FBXO15: variants seen among roughly 807,000 people sequenced by gnomAD.
The protein encoded by FBXO15 is F-box protein 15.
In FBXO15, 30 loss-of-function variants were observed where a neutral mutation model predicts 49.5. The ratio of observed to expected loss-of-function variants is 0.61; its 90% confidence interval spans 0.45 to 0.82. The LOEUF is 0.82. FBXO15 is among the 40% of genes least tolerant of loss of function. The probability of loss-of-function intolerance (pLI) is 0.00; values close to 1 mark genes in which losing one functional copy is unlikely to be tolerated. For synonymous variants in FBXO15, 250 were observed against 232.7 expected (o/e 1.07, Z -0.68); for missense variants, 591 against 631.5 (o/e 0.94, Z 0.69).
In FBXO15 at chr18:74,100,825, C is replaced by A. The variant is rs184777875; in HGVS notation, c.1139-18774G>T. Among the ~76,000 whole-genome samples the A allele has an allele frequency of 2.6e-5, 4 of 152,130 alleles. No homozygotes were observed. In the East Asian group the frequency reaches 7.7e-4, roughly 29 times the overall value. On this transcript the variant is annotated intron_variant, in intron 8 of 9. Transcript: ENST00000419743. ...AAACCTAGGTGAGATGGATAAATTC[C>A]CGGAAAGATACAACCCTCCTAGCTT... is the stretch of plus-strand genomic sequence containing the variant.
chr18:74,146,638 C>T lies in FBXO15; in HGVS notation c.116+1032G>A, dbSNP rs3813124. Among the ~76,000 whole-genome samples the T allele has an allele frequency of 1.1e-4, 16 of 152,212 alleles. No individual in the cohort carries two copies. The East Asian group carries it at 2.9e-3, about 28-fold the overall frequency. ...TGTCACCATTCTATTTGTGACAAGG[C>T]TTGTGGTATGTCTAGCATTATAGGT... On this transcript the variant is annotated intron_variant, in intron 1 of 9. Transcript: ENST00000419743.
At chr18:74,107,542 TAC>T (rs1352015978) in intron 8 of FBXO15, among the ~76,000 whole-genome samples, 2 of 152,050 alleles carry the variant, frequency 1.3e-5, no homozygotes, top group Non-Finnish European at 2.9e-5. Context: ...GACAGGAGAA[TAC>T]AGAGACGCGT....
chr18:74,076,059 G>A (rs1912243851), intron 9 of FBXO15: 1 of 152,222 alleles, frequency 6.6e-6, no homozygotes, highest in Admixed American at 6.5e-5. Flanking sequence ...AGCTCTCCTG[G>A]TACTCCTCGT....
rs1350058387 is a variant in FBXO15, at chr18:74,130,591, C to T, written c.400G>A (p.Val134Ile). 1 of 1,614,126 alleles carries T rather than the reference C, an allele frequency of 6.2e-7. No homozygotes were observed. Among genetic ancestry groups the T allele is most frequent in the Admixed American group, 1.7e-5 (1 of 60,022 alleles). Residue 134 changes from valine to isoleucine, a missense_variant, in exon 4 of 10, where the codon GTA (valine) becomes ATA (isoleucine). By Grantham distance (29) the Val-to-Ile change is conservative. Transcript: ENST00000419743. The part of the protein sequence containing the change: ...PARSNWKFNS[V>I]EKIAMSMSFL... ...CTCATAGACATAGCTATCTTCTCTA[C>T]TGAATTAAATTTCCAATTTGATCTT...
At position 74,082,050 on chromosome 18, in the gene FBXO15, T is replaced by C; in HGVS notation, c.1140A>G (p.Gly380=). The C allele has an allele frequency of 6.2e-7, 1 of 1,610,526 alleles. No individual in the cohort carries two copies. ...GTFRNLFTKR[G]NIENGHVKLI... ...GCTTCACATGTCCATTTTCAATATT[T>C]CCTGAAAAGATATAAGATTGTTTCA... The change falls in exon 9 of 10, where the codon GGA becomes GGG. Residue 380 remains glycine (G), a splice_region_variant and synonymous_variant. Transcript: ENST00000419743.
chr18:74,118,404 A>ATATATACACATATATATATATGTG (rs1914325419), intron 8 of FBXO15, among the ~76,000 whole-genome samples: 1 of 135,046 alleles, frequency 7.4e-6, no homozygotes, highest in Non-Finnish European at 1.5e-5. Flanking sequence ...GTATATACAC[A>ATATATACACATATATATATATGTG]TATATACACA....
chr18:74,082,834 G>C (rs1402166260), intron 8 of FBXO15, among the ~76,000 whole-genome samples: 3 of 152,196 alleles, frequency 2.0e-5, no homozygotes, highest in Non-Finnish European at 2.9e-5. Flanking sequence ...TCCAGAGATG[G>C]AAGTCTGAAC....
chr18:74,114,395 T>C (rs755898610), intron 8 of FBXO15, among the ~76,000 whole-genome samples: 1 of 152,218 alleles, frequency 6.6e-6, no homozygotes, highest in Non-Finnish European at 1.5e-5. Flanking sequence ...GACTTTGTTC[T>C]GTATCCTTTC....
Position 74,124,559 on chromosome 18 carries a change from GTTC to G in FBXO15, c.922_924del (p.Glu308del). 6.2e-7 allele frequency: 1 copy of G among 1,613,982 alleles called. No individual in the cohort carries two copies. Among genetic ancestry groups the G allele is most frequent in the South Asian group, 1.1e-5 (1 of 91,074 alleles). ...TGAAGATTTGCCATAACAAAAGCCA[GTTC>G]TTCCTCCTTCTGAAAAGTTAATTGA... On this transcript the variant is annotated inframe_deletion, in exon 7 of 10. Coordinates refer to ENST00000419743, the MANE Select transcript of FBXO15 (RefSeq NM_001142958.2).
chr18:74,076,636 A>C (rs963168174), intron 9 of FBXO15: 1 of 152,232 alleles, frequency 6.6e-6, no homozygotes, highest in Admixed American at 6.5e-5. Flanking sequence ...TCCTTTAAGG[A>C]GGCAGCCATC....
intron 8 of FBXO15, among the ~76,000 whole-genome samples, chr18:74,121,625 A>T (rs757239367): frequency 6.6e-6 from 1 of 152,210 alleles, no homozygotes; most frequent in Non-Finnish European, 1.5e-5. Context: ...GGAAGACTCA[A>T]AGACAAAGAG....
intron 3 of FBXO15, among the ~76,000 whole-genome samples, chr18:74,132,251 T>G (rs910213866): frequency 6.6e-6 from 1 of 152,234 alleles, no homozygotes; most frequent in East Asian, 1.9e-4. Flanking sequence ...AAAACTCCCT[T>G]TGCATAAAAG....
chr18:74,128,840 A>G (rs1284756545), intron 5 of FBXO15, among the ~76,000 whole-genome samples: 1 of 152,230 alleles, frequency 6.6e-6, no homozygotes, highest in Non-Finnish European at 1.5e-5. Context: ...TAGCTGATCT[A>G]CGCATTTTAT....
intron 9 of FBXO15, 128 bp downstream of exon 9, chr18:74,081,799 G>T (rs1410439895): frequency 1.4e-6 from 1 of 713,484 alleles, no homozygotes; most frequent in Non-Finnish European, 2.1e-6. Flanking sequence ...TCAGAAACCA[G>T]AACAATAAAT....
intron 8 of FBXO15, among the ~76,000 whole-genome samples, chr18:74,095,399 C>T (rs114218699): frequency 2.0e-5 from 3 of 152,310 alleles, no homozygotes; most frequent in East Asian, 1.9e-4. Context: ...CAACTCTTCA[C>T]TTGAATGCTT....
At chr18:74,116,293 T>C (rs1178082590) in intron 8 of FBXO15, among the ~76,000 whole-genome samples, 1 of 152,222 alleles carries the variant, frequency 6.6e-6, no homozygotes, top group Non-Finnish European at 1.5e-5. Context: ...GAAAAGATTA[T>C]ACTTTCTCAT....
intron 2 of FBXO15, 109 bp downstream of exon 2, chr18:74,140,092 TA>T: frequency 1.2e-6 from 1 of 825,820 alleles, no homozygotes; most frequent in Non-Finnish European, 1.9e-6. Context: ...TACACAATCC[TA>T]TTCTTAGCAA....
chr18:74,107,667 T>C (rs1183166222), intron 8 of FBXO15, among the ~76,000 whole-genome samples: 1 of 152,126 alleles, frequency 6.6e-6, no homozygotes, highest in Admixed American at 6.6e-5. Flanking sequence ...AGTTAAAAAC[T>C]TCAGGGGGAC....
At chr18:74,117,870 G>A (rs974040985) in intron 8 of FBXO15, among the ~76,000 whole-genome samples, 4 of 152,008 alleles carry the variant, frequency 2.6e-5, no homozygotes, top group South Asian at 4.2e-4. Context: ...AGTGAATGGC[G>A]AGCCCTCTTC....
Sources: gnomAD v4.1 joint callset for allele counts (sites outside exome capture counted in the v4.1 genomes callset) on GRCh38, gnomAD v4.1.1 for gene constraint, MANE v1.5 for transcripts, NCBI Gene and HGNC (gene_info 2026-07-23, HGNC 2026-07-21) for gene names.